Variants in ITFG1 observed in about 807,000 individuals in gnomAD.
ITFG1 encodes the protein integrin alpha FG-GAP repeat containing 1.
Under a neutral mutation model 81.8 loss-of-function variants are expected in ITFG1, and 34 were observed. The ratio of observed to expected loss-of-function variants is 0.42; its 90% confidence interval spans 0.32 to 0.55. The LOEUF (loss-of-function observed/expected upper bound fraction) is 0.55, where lower values mean the gene tolerates loss of function less well. Ranked by LOEUF, ITFG1 falls within the 20% of genes least tolerant of loss-of-function variation. ITFG1 has a pLI of 0.17. For missense variants in ITFG1, 672 were observed against 755.4 expected (o/e 0.89, Z 1.29); for synonymous variants, 285 against 270.6 (o/e 1.05, Z -0.52).
chr16:47,328,825 A>T (rs575567312), intron 8 of ITFG1, among the ~76,000 whole-genome samples: 9 of 152,316 alleles, frequency 5.9e-5, no homozygotes, highest in Non-Finnish European at 1.3e-4. Context: ...CTATTATGAC[A>T]AACTACTAGC....
chr16:47,322,270 G>C (rs1967459597), intron 8 of ITFG1, among the ~76,000 whole-genome samples: 1 of 152,140 alleles, frequency 6.6e-6, no homozygotes, highest in East Asian at 1.9e-4. Flanking sequence ...TGGAAAGTGT[G>C]ACATGGTACC....
intron 6 of ITFG1, among the ~76,000 whole-genome samples, chr16:47,409,404 ATTTTTTTT>A (rs1187071917): frequency 4.9e-4 from 3 of 6,096 alleles, no homozygotes; most frequent in Admixed American, 3.4e-3. Flanking sequence ...ATATATATAT[ATTTTTTTT>A]TTTTTTTTTT....
At chr16:47,335,812 AAAT>A (rs1405354296) in intron 8 of ITFG1, among the ~76,000 whole-genome samples, 1 of 152,214 alleles carries the variant, frequency 6.6e-6, no homozygotes, top group Non-Finnish European at 1.5e-5. Context: ...TGGAAACATA[AAAT>A]GTTAAGCATA....
intron 7 of ITFG1, among the ~76,000 whole-genome samples, chr16:47,375,479 T>C (rs751256406): frequency 1.3e-5 from 2 of 152,164 alleles, no homozygotes; most frequent in African/African-American, 2.4e-5. Context: ...TTGGTGTTTG[T>C]TGTCTTATTT....
chr16:47,282,650 G>C (rs1966462361), intron 10 of ITFG1, among the ~76,000 whole-genome samples: 2 of 152,018 alleles, frequency 1.3e-5, no homozygotes, highest in African/African-American at 4.8e-5. Flanking sequence ...TCTATTTTTA[G>C]TTCTTTGAGG....
intron 13 of ITFG1, among the ~76,000 whole-genome samples, chr16:47,237,457 T>A (rs1039345623): frequency 6.6e-6 from 1 of 152,226 alleles, no homozygotes; most frequent in African/African-American, 2.4e-5. Flanking sequence ...ATATTCTTAT[T>A]ACAGTTTACA....
intron 8 of ITFG1, among the ~76,000 whole-genome samples, chr16:47,351,245 C>T (rs1967949620): frequency 1.3e-5 from 2 of 152,100 alleles, no homozygotes; most frequent in Admixed American, 6.6e-5. Context: ...AAAGGGTATT[C>T]AATTAGGAAA....
chr16:47,183,937 C>G (rs532978655), intron 14 of ITFG1, among the ~76,000 whole-genome samples: 14 of 152,154 alleles, frequency 9.2e-5, no homozygotes, highest in African/African-American at 2.9e-4. Context: ...CAGAGAAGTG[C>G]TTAAAGGAGC....
intron 10 of ITFG1, chr16:47,263,057 C>T (rs183953249): frequency 3.3e-4 from 74 of 223,330 alleles, no homozygotes; most frequent in African/African-American, 1.6e-3. Flanking sequence ...GCTGTTGGCT[C>T]GGCAAAGTCA....
intron 14 of ITFG1, among the ~76,000 whole-genome samples, chr16:47,188,995 C>T (rs1037923202): frequency 3.3e-5 from 5 of 152,174 alleles, no homozygotes; most frequent in Admixed American, 3.3e-4. Flanking sequence ...GAACTCCCAA[C>T]CTCAGTGATC....
At chr16:47,249,150 G>T (rs186691236) in intron 12 of ITFG1, among the ~76,000 whole-genome samples, 50 of 152,272 alleles carry the variant, frequency 3.3e-4, no homozygotes, top group Non-Finnish European at 7.1e-4. Flanking sequence ...GGGCACAGTG[G>T]CTTATGCCTG....
At chr16:47,248,859 G>A (rs879634817) in intron 12 of ITFG1, among the ~76,000 whole-genome samples, 18 of 152,160 alleles carry the variant, frequency 1.2e-4, no homozygotes, top group Admixed American at 2.0e-4. Flanking sequence ...TTATGGAAAA[G>A]GGAAATTTAA....
Position 47,286,883 on chromosome 16 carries a change from G to A in ITFG1, c.1070+24357C>T, listed in dbSNP as rs192211579. On this transcript the variant is annotated intron_variant, in intron 10 of 17. Coordinates refer to ENST00000320640, the MANE Select transcript of ITFG1 (RefSeq NM_030790.5). ...TCATGAGATAGGCAAGGCTGAGAGAGGTTAAAAAACTCACTGAACATCTCA... is the reference window on the plus strand; with the variant it reads ...TCATGAGATAGGCAAGGCTGAGAGAAGTTAAAAAACTCACTGAACATCTCA... Among the ~76,000 whole-genome samples the A allele has an allele frequency of 4.6e-5, 7 of 152,194 alleles. No individual in the cohort carries two copies. In the East Asian group the frequency reaches 1.4e-3, roughly 29 times the overall value.
At chr16:47,376,964 CAAAAAAAAAAA>C (rs1222007051) in intron 6 of ITFG1, among the ~76,000 whole-genome samples, 3 of 18,076 alleles carry the variant, frequency 1.7e-4, no homozygotes, top group Admixed American at 1.7e-3. Context: ...TCTGTCTCCC[CAAAAAAAAAAA>C]AAAAAAAAAA....
intron 10 of ITFG1, among the ~76,000 whole-genome samples, chr16:47,306,192 A>C (rs1258940900): frequency 6.6e-6 from 1 of 152,164 alleles, no homozygotes; most frequent in Non-Finnish European, 1.5e-5. Context: ...AGGAACTATA[A>C]AAGGAAGAAA....
chr16:47,392,069 A>G (rs1968538559), intron 6 of ITFG1, among the ~76,000 whole-genome samples: 1 of 152,126 alleles, frequency 6.6e-6, no homozygotes, highest in East Asian at 1.9e-4. Context: ...TCCATGTGGG[A>G]GGGGTGTTTG....
chr16:47,218,896 A>T lies in ITFG1; in HGVS notation c.1425T>A (p.Asp475Glu). ...PGPYIMYTTV[D>E]ANGYLKNGSA... Reference sequence around the variant, plus strand: ...ATCCATTTTTCAGATACCCATTTGCATCTACAGTTGTATACATGATATAAG... The same window carrying T: ...ATCCATTTTTCAGATACCCATTTGCTTCTACAGTTGTATACATGATATAAG... Residue 475 changes from aspartate (D) to glutamate (E), a missense_variant, in exon 14 of 18, where the codon GAT (aspartate) becomes GAA (glutamate). Physicochemically the swap from Asp to Glu is conservative, Grantham distance 45. Coordinates refer to ENST00000320640, the MANE Select transcript of ITFG1 (RefSeq NM_030790.5). 1.2e-6 allele frequency: 2 copies of T among 1,601,310 alleles called. 1 individual carries two copies. Among genetic ancestry groups the T allele is most frequent in the Middle Eastern group, 3.3e-4 (2 of 6,022 alleles).
Position 47,231,047 on chromosome 16 carries a change from C to T in ITFG1, c.1374+6918G>A, listed in dbSNP as rs527693285. On this transcript the variant is annotated intron_variant, in intron 13 of 17. Coordinates refer to ENST00000320640, the MANE Select transcript of ITFG1 (RefSeq NM_030790.5). Reference sequence around the variant, plus strand: ...ACAGGCGTGAGCCACCGCGCCCAGCCCAAATGACAAATTATTAAGCACCAG... The same window carrying T: ...ACAGGCGTGAGCCACCGCGCCCAGCTCAAATGACAAATTATTAAGCACCAG... 3.9e-5 allele frequency among the ~76,000 whole-genome samples: 6 copies of T among 152,328 alleles called. No individual in the cohort carries two copies. The South Asian group carries it at 8.3e-4, about 21-fold the overall frequency.
chr16:47,337,560 A>G (rs1334291317), intron 8 of ITFG1, among the ~76,000 whole-genome samples: 2 of 152,108 alleles, frequency 1.3e-5, no homozygotes, highest in African/African-American at 4.8e-5. Context: ...ACAGAGTGAG[A>G]CTCTGTCTCA....
Sources: gnomAD v4.1 joint callset for allele counts (sites outside exome capture counted in the v4.1 genomes callset) on GRCh38, gnomAD v4.1.1 for gene constraint, MANE v1.5 for transcripts, NCBI Gene and HGNC (gene_info 2026-07-23, HGNC 2026-07-21) for gene names.